Variants in SLC14A2 observed in about 807,000 individuals in gnomAD.
SLC14A2 encodes urea transporter 2.
SLC14A2 carries 91 observed loss-of-function variants against 104.6 expected under a neutral mutation model. The observed-to-expected ratio is 0.87, with a 90% confidence interval of 0.73 to 1.04. The LOEUF (loss-of-function observed/expected upper bound fraction) is 1.04, where lower values mean the gene tolerates loss of function less well. Ranked by LOEUF, SLC14A2 falls within the 50% of genes least tolerant of loss-of-function variation. The pLI is 0.00. For synonymous variants in SLC14A2, 476 were observed against 466.4 expected, an observed-to-expected ratio of 1.02 and a Z score of -0.27; for missense variants, 1,189 against 1,156.0, an observed-to-expected ratio of 1.03 and a Z score of -0.41.
intron 5 of SLC14A2, 21 bp from the exon 6 acceptor site, chr18:45,636,969 C>T (rs1322689037): frequency 6.2e-7 from 1 of 1,605,452 alleles, no homozygotes; most frequent in Non-Finnish European, 8.5e-7. Flanking sequence ...GGGATTAACC[C>T]TCTGTCTCTT....
rs61738671 is a variant in SLC14A2, at chr18:45,644,160, G to A, written c.1351G>A (p.Gly451Arg). 7.4e-4 allele frequency: 1,194 copies of A among 1,614,086 alleles called. 5 individuals carry two copies. The African/African-American group carries it at 0.012, about 16-fold the overall frequency. ...KSGEEEKAPSGGGGEHPPTAG... is the reference protein window; with the variant it reads ...KSGEEEKAPSRGGGEHPPTAG... ...CGGTGAAGAAGAGAAGGCCCCCAGC[G>A]GTGAATAGCCATGTTCGGGGAAGAA... Residue 451 changes from glycine (G) to arginine (R), a missense_variant and splice_region_variant, in exon 10 of 20, where the codon GGA (glycine) becomes AGA (arginine). Transcript: ENST00000255226.
intron 2 of SLC14A2, among the ~76,000 whole-genome samples, chr18:45,514,400 T>C (rs1426524898): frequency 6.6e-6 from 1 of 152,106 alleles, no homozygotes; most frequent in East Asian, 1.9e-4. Context: ...GCTAAACTAT[T>C]AGAAACCACC....
At chr18:45,303,869 C>G (rs2084991385) in intron 1 of SLC14A2, among the ~76,000 whole-genome samples, 1 of 152,176 alleles carries the variant, frequency 6.6e-6, no homozygotes, top group South Asian at 2.1e-4. Flanking sequence ...TGAGGTTCAC[C>G]TGTTCCCACC....
At chr18:45,427,940 T>C (rs1201096259) in intron 1 of SLC14A2, among the ~76,000 whole-genome samples, 1 of 152,206 alleles carries the variant, frequency 6.6e-6, no homozygotes, top group African/African-American at 2.4e-5. Flanking sequence ...CTGCCCTGCC[T>C]TTCCCACAAA....
chr18:45,307,018 G>A (rs2085029184), intron 1 of SLC14A2, among the ~76,000 whole-genome samples: 1 of 152,102 alleles, frequency 6.6e-6, no homozygotes. Context: ...GGAGTTAAAA[G>A]CTTTACTCTT....
At chr18:45,478,995 T>G (rs1016911745) in intron 1 of SLC14A2, among the ~76,000 whole-genome samples, 11 of 152,236 alleles carry the variant, frequency 7.2e-5, no homozygotes, top group African/African-American at 2.7e-4. Flanking sequence ...GGTTCTGCCC[T>G]CTTTGGCAAA....
At chr18:45,465,183 G>A (rs1031403372) in intron 1 of SLC14A2, among the ~76,000 whole-genome samples, 1 of 152,070 alleles carries the variant, frequency 6.6e-6, no homozygotes, top group African/African-American at 2.4e-5. Flanking sequence ...AGAAAGAAAC[G>A]GAGAGAAGAA....
intron 2 of SLC14A2, among the ~76,000 whole-genome samples, chr18:45,506,623 C>T (rs539630204): frequency 6.6e-6 from 1 of 152,264 alleles, no homozygotes; most frequent in South Asian, 2.1e-4. Context: ...GTGATGCCAC[C>T]ACAAGCCAAG....
chr18:45,492,069 G>A (rs2043011927), intron 2 of SLC14A2: 1 of 152,216 alleles, frequency 6.6e-6, no homozygotes, highest in Non-Finnish European at 1.5e-5. Flanking sequence ...TAGTCACAGG[G>A]GTTCCATCTC....
chr18:45,548,154 CTG>C (rs1257816590), intron 2 of SLC14A2, among the ~76,000 whole-genome samples: 1 of 152,194 alleles, frequency 6.6e-6, no homozygotes, highest in Admixed American at 6.5e-5. Flanking sequence ...AATGTAGGGA[CTG>C]TTGTCCAGTG....
chr18:45,424,852 A>C (rs1225546824), intron 1 of SLC14A2, among the ~76,000 whole-genome samples: 1 of 152,190 alleles, frequency 6.6e-6, no homozygotes, highest in African/African-American at 2.4e-5. Flanking sequence ...TTTCTATAGA[A>C]ATTTTTACTT....
At position 45,419,883 on chromosome 18, in the gene SLC14A2, T is replaced by C. The variant is rs142756199; in HGVS notation, c.-124-63350T>C. ...GGGCATTCTTGCTAATAGTACTCAA[T>C]ATGATTCACCTCCGGTTCTCCCTGC... On this transcript the variant is annotated intron_variant, in intron 1 of 20. Coordinates refer to the SLC14A2 transcript ENST00000586448. Among the ~76,000 whole-genome samples, 1,500 of 152,328 alleles carry C rather than the reference T, an allele frequency of 9.8e-3. 15 individuals carry two copies. Among genetic ancestry groups the C allele is most frequent in the African/African-American group, 0.024 (998 of 41,566 alleles).
intron 7 of SLC14A2, among the ~76,000 whole-genome samples, chr18:45,640,846 C>A (rs1420894680): frequency 6.6e-6 from 1 of 152,120 alleles, no homozygotes; most frequent in Non-Finnish European, 1.5e-5. Context: ...GCACTTGAAA[C>A]AACTTTTAAA....
intron 1 of SLC14A2, among the ~76,000 whole-genome samples, chr18:45,238,457 A>G (rs747223732): frequency 7.2e-5 from 11 of 152,236 alleles, no homozygotes; most frequent in Non-Finnish European, 1.2e-4. Context: ...CTACTCCCAC[A>G]TGCTCATGCT....
intron 10 of SLC14A2, among the ~76,000 whole-genome samples, chr18:45,663,481 T>G (rs917764529): frequency 1.3e-5 from 2 of 152,214 alleles, no homozygotes; most frequent in Admixed American, 6.5e-5. Context: ...CTCATGCCAG[T>G]GCAAGTTGCA....
chr18:45,485,361 G>A (rs1295728852), intron 2 of SLC14A2: 3 of 152,224 alleles, frequency 2.0e-5, no homozygotes, highest in Admixed American at 2.0e-4. Flanking sequence ...GGATATCTAG[G>A]AAAATTATTC....
chr18:45,218,095 T>G (rs1020845690), intron 1 of SLC14A2, among the ~76,000 whole-genome samples: 12 of 152,206 alleles, frequency 7.9e-5, no homozygotes, highest in African/African-American at 2.7e-4. Flanking sequence ...ACATTCACAT[T>G]GTTGTACAGC....
chr18:45,368,910 C>A (rs2247334), intron 1 of SLC14A2, among the ~76,000 whole-genome samples: 67,258 of 151,994 alleles, frequency 0.44, 19,262 homozygotes, highest in African/African-American at 0.82. Flanking sequence ...GCCATTCAGC[C>A]GTAGAAGCAC....
intron 1 of SLC14A2, chr18:45,213,249 T>C (rs1342835288): frequency 6.6e-6 from 1 of 152,206 alleles, no homozygotes; most frequent in Non-Finnish European, 1.5e-5. Context: ...AGGAAAACTC[T>C]GTATGCTGTA....
Sources: gnomAD v4.1 joint callset for allele counts (sites outside exome capture counted in the v4.1 genomes callset) on GRCh38, gnomAD v4.1.1 for gene constraint, MANE v1.5 for transcripts, NCBI Gene and HGNC (gene_info 2026-07-23, HGNC 2026-07-21) for gene names.